The following PCM1 variants were observed in gnomAD, a reference collection of about 807,000 sequenced individuals.
PCM1 encodes pericentriolar material 1.
PCM1 carries 157 observed loss-of-function variants against 241.9 expected under a neutral mutation model. That is an observed-to-expected ratio of 0.65 (90% CI 0.57 to 0.74). PCM1 has a LOEUF of 0.74. Ranked by LOEUF, PCM1 falls within the 30% of genes least tolerant of loss-of-function variation. PCM1 has a pLI of 0.00. For synonymous variants in PCM1, 1,085 were observed against 784.9 expected (o/e 1.38, Z -6.39); for missense variants, 3,478 against 2,360.1 (o/e 1.47, Z -9.81).
In PCM1 at chr8:17,953,017, A is replaced by T; in HGVS notation, c.1119A>T (p.Leu373Phe). The change falls in exon 9 of 39, where the codon TTA (leucine) becomes TTT (phenylalanine). Residue 373 changes from leucine to phenylalanine, a missense_variant. Physicochemically the swap from Leu to Phe is conservative, Grantham distance 22 (BLOSUM62 0). Transcript: ENST00000325083. ...GAAGACAGGCAGAAAGTCTTTCATTAACTAGGGAGGTTTCCCAGAGCAGGA... is the reference window on the plus strand; with the variant it reads ...GAAGACAGGCAGAAAGTCTTTCATTTACTAGGGAGGTTTCCCAGAGCAGGA... The part of the protein sequence containing the change: ...DNRRQAESLS[L>F]TREVSQSRKP... 2 of 1,608,738 alleles carry T rather than the reference A, an allele frequency of 1.2e-6. No individual in the cohort carries two copies. The highest frequency in any genetic ancestry group is 1.7e-6 in the Non-Finnish European group (2 of 1,177,310).
chr8:18,006,398 G>T lies in PCM1; in HGVS notation c.4962+1G>T. 1 of 1,601,448 alleles carries T rather than the reference G, an allele frequency of 6.2e-7. No individual in the cohort carries two copies. The highest frequency in any genetic ancestry group is 8.6e-7 in the Non-Finnish European group (1 of 1,168,806). On this transcript the variant is annotated splice_donor_variant, in intron 30 of 38. Coordinates refer to ENST00000325083, the MANE Select transcript of PCM1 (RefSeq NM_006197.4). LOFTEE classifies it high-confidence loss of function. ...TAAACAACTTGGAAGTATATTACAG[G>T]TAAGAGTTTATACTTGTATGATTTA...
Position 17,957,745 on chromosome 8 carries a change from A to T in PCM1, c.2010A>T (p.Arg670Ser). 1 of 1,613,454 alleles carries T rather than the reference A, an allele frequency of 6.2e-7. No individual in the cohort carries two copies. The highest frequency in any genetic ancestry group is 8.5e-7 in the Non-Finnish European group (1 of 1,179,590). ...TTATGGCTGCAAAACAGAAACTTAG[A>T]CAGTTACAAGATCTTGTTGCTATGG... ...NRLMAAKQKL[R>S]QLQDLVAMVQ... The change falls in exon 13 of 39, where the codon AGA becomes AGT. Residue 670 changes from arginine to serine, a missense_variant. Coordinates refer to ENST00000325083, the MANE Select transcript of PCM1 (RefSeq NM_006197.4).
At chr8:17,952,618 G>C (rs926065027) in intron 8 of PCM1, among the ~76,000 whole-genome samples, 3 of 152,114 alleles carry the variant, frequency 2.0e-5, no homozygotes, top group African/African-American at 7.2e-5. Flanking sequence ...TATTGTATTA[G>C]GTATTATAAG....
At chr8:17,969,538 T>G in intron 21 of PCM1, 39 bp from the exon 22 acceptor site, 1 of 1,376,800 alleles carries the variant, frequency 7.3e-7, no homozygotes, top group Non-Finnish European at 1.0e-6. Context: ...CTAAAGACAT[T>G]TATTTATTTT....
chr8:18,013,627 T>A (rs1357097853), intron 34 of PCM1, among the ~76,000 whole-genome samples: 1 of 152,116 alleles, frequency 6.6e-6, no homozygotes. Context: ...CTGAAGGCAT[T>A]TAGCTTTGTT....
chr8:17,965,863 A>G, intron 18 of PCM1, 136 bp from the exon 19 acceptor site: 1 of 595,968 alleles, frequency 1.7e-6, no homozygotes, highest in Non-Finnish European at 2.9e-6. Flanking sequence ...CCCCCTCTAT[A>G]TTTTTTAATA....
chr8:17,925,433 G>C (rs1398132296), intron 2 of PCM1: 4 of 152,190 alleles, frequency 2.6e-5, no homozygotes, highest in Non-Finnish European at 5.9e-5. Flanking sequence ...ATAATTAGAA[G>C]TTTGTTAAAA....
chr8:17,958,763 C>A, intron 13 of PCM1, among the ~76,000 whole-genome samples: 1 of 152,084 alleles, frequency 6.6e-6, no homozygotes, highest in East Asian at 1.9e-4. Flanking sequence ...GCTCTGTCAC[C>A]CAGGTTGGAG....
At chr8:18,005,060 A>G (rs1016857038) in intron 29 of PCM1, among the ~76,000 whole-genome samples, 4 of 152,144 alleles carry the variant, frequency 2.6e-5, no homozygotes, top group Admixed American at 6.5e-5. Flanking sequence ...AAGAGGTAAA[A>G]TACTTTCACT....
intron 14 of PCM1, 45 bp from the exon 15 acceptor site, chr8:17,960,270 C>G: frequency 6.3e-7 from 1 of 1,577,990 alleles, no homozygotes; most frequent in Non-Finnish European, 8.6e-7. Context: ...AATGCTTCAT[C>G]ACATTTTATT....
intron 36 of PCM1, among the ~76,000 whole-genome samples, chr8:18,018,300 A>T (rs1449628787): frequency 3.9e-5 from 6 of 152,226 alleles, no homozygotes; most frequent in African/African-American, 1.2e-4. Context: ...ACTCACTCTT[A>T]TACCAACCTA....
Position 17,955,629 on chromosome 8 carries a change from A to T in PCM1, c.1448A>T (p.His483Leu), listed in dbSNP as rs199782727. 9.7e-5 allele frequency: 156 copies of T among 1,613,136 alleles called. 1 individual carries two copies. Among genetic ancestry groups the T allele is most frequent in the Non-Finnish European group, 8.5e-7 (1 of 1,179,288 alleles). Residue 483 changes from histidine to leucine, a missense_variant, in exon 10 of 39, where the codon CAC becomes CTC. Coordinates refer to ENST00000325083, the MANE Select transcript of PCM1 (RefSeq NM_006197.4). ...VSQNESENEG[H>L]LNPSEKLQKL... ...CAGAATGAGAGTGAAAACGAAGGCCACCTCAATCCATCTGAAAAACTCCAG... is the reference window on the plus strand; with the variant it reads ...CAGAATGAGAGTGAAAACGAAGGCCTCCTCAATCCATCTGAAAAACTCCAG...
intron 21 of PCM1, among the ~76,000 whole-genome samples, chr8:17,968,756 GTGTGTGTATA>G (rs1259510693): frequency 1.5e-5 from 2 of 130,736 alleles, no homozygotes; most frequent in African/African-American, 5.7e-5. Context: ...GTGTGTGTGT[GTGTGTGTATA>G]TATATATATA....
At position 18,025,347 on chromosome 8, in the gene PCM1, TCA is replaced by T. The variant is rs1345211672; in HGVS notation, c.5842-13_5842-12del. ...GATCTAGAGTATGTATTTTTTTTTTTCATTACATTACAGGAAGCAGAATCTGG... is the reference window on the plus strand; with the variant it reads ...GATCTAGAGTATGTATTTTTTTTTTTTTACATTACAGGAAGCAGAATCTGG... On this transcript the variant is annotated splice_polypyrimidine_tract_variant and intron_variant, in intron 36 of 38. Transcript: ENST00000325083. 1.4e-5 allele frequency: 20 copies of T among 1,422,726 alleles called. No homozygotes were observed. The highest frequency in any genetic ancestry group is 1.8e-4 in the Middle Eastern group (1 of 5,586). 88.1% of individuals were successfully genotyped at this position (1,422,726 alleles called of 1,614,324 possible).
At chr8:18,012,662 A>T (rs1425023552) in intron 34 of PCM1, among the ~76,000 whole-genome samples, 1 of 152,036 alleles carries the variant, frequency 6.6e-6, no homozygotes, top group Non-Finnish European at 1.5e-5. Context: ...ATACTCAGTG[A>T]TTGTTTTCAA....
intron 2 of PCM1, among the ~76,000 whole-genome samples, chr8:17,928,524 C>T (rs1337216520): frequency 1.3e-5 from 2 of 149,982 alleles, no homozygotes; most frequent in East Asian, 4.0e-4. Context: ...AATCATTTGT[C>T]TTTTGCTCTA....
Position 17,939,727 on chromosome 8 carries a change from A to T in PCM1, c.649A>T (p.Thr217Ser), listed in dbSNP as rs1431706812. The stretch of plus-strand genomic sequence containing the variant: ...GCTTGTTCAAATTCGCGATTATATT[A>T]CTAAAGCTAGTTCCATGCGGGAAGA... ...SRLVQIRDYI[T>S]KASSMREDLV... The change falls in exon 6 of 39, where the codon ACT (threonine) becomes TCT (serine). Residue 217 changes from threonine to serine, a missense_variant. Thr to Ser is a moderately conservative substitution (Grantham distance 58). Coordinates refer to ENST00000325083, the MANE Select transcript of PCM1 (RefSeq NM_006197.4). 23 of 1,554,044 alleles carry T rather than the reference A, an allele frequency of 1.5e-5. No individual in the cohort carries two copies. The highest frequency in any genetic ancestry group is 8.7e-7 in the Non-Finnish European group (1 of 1,148,160).
intron 2 of PCM1, among the ~76,000 whole-genome samples, chr8:17,929,047 T>A (rs1206620898): frequency 6.6e-6 from 1 of 152,216 alleles, no homozygotes; most frequent in Non-Finnish European, 1.5e-5. Flanking sequence ...TCCTTAAAAA[T>A]ATTAGCTAAT....
chr8:17,989,809 T>C, intron 26 of PCM1, 50 bp from the exon 27 acceptor site: 2 of 1,263,328 alleles, frequency 1.6e-6, no homozygotes, highest in Non-Finnish European at 2.2e-6. Flanking sequence ...ATTATTAATA[T>C]GAAATTCTTA....
Sources: gnomAD v4.1 joint callset for allele counts (sites outside exome capture counted in the v4.1 genomes callset) on GRCh38, gnomAD v4.1.1 for gene constraint, MANE v1.5 for transcripts, NCBI Gene and HGNC (gene_info 2026-07-23, HGNC 2026-07-21) for gene names.